VAV3: variants seen among roughly 807,000 people sequenced by gnomAD.
The protein encoded by VAV3 is vav guanine nucleotide exchange factor 3.
VAV3 carries 94 observed loss-of-function variants against 131.2 expected under a neutral mutation model. The ratio of observed to expected loss-of-function variants is 0.72; its 90% CI spans 0.61 to 0.85. VAV3 has a LOEUF of 0.85. Ranked by LOEUF, VAV3 falls within the 40% of genes least tolerant of loss-of-function variation. VAV3 has a pLI of 0.00. For missense variants in VAV3, 939 were observed against 1,002.7 expected (o/e 0.94, Z 0.86); for synonymous variants, 349 against 342.0 (o/e 1.02, Z -0.22).
chr1:107,589,870 T>TA (rs1477442960), intron 25 of VAV3, among the ~76,000 whole-genome samples: 2 of 152,182 alleles, frequency 1.3e-5, no homozygotes, highest in East Asian at 3.8e-4. Flanking sequence ...ATATAACTAA[T>TA]AAATAGTAGT....
At chr1:107,732,751 G>A (rs1384228828) in intron 15 of VAV3, among the ~76,000 whole-genome samples, 2 of 152,140 alleles carry the variant, frequency 1.3e-5, no homozygotes, top group African/African-American at 4.8e-5. Flanking sequence ...CAACAAGCCT[G>A]TCTGCCTCTG....
intron 25 of VAV3, among the ~76,000 whole-genome samples, chr1:107,577,107 T>C (rs953554477): frequency 3.9e-5 from 6 of 152,388 alleles, no homozygotes; most frequent in African/African-American, 1.4e-4. Flanking sequence ...TTACTTTTAA[T>C]ATAAGAGCTA....
intron 2 of VAV3, among the ~76,000 whole-genome samples, chr1:107,808,979 A>AT (rs1570983076): frequency 6.6e-6 from 1 of 152,134 alleles, no homozygotes; most frequent in African/African-American, 2.4e-5. Context: ...CGATGAAGGC[A>AT]TTTTTTATAA....
At chr1:107,726,041 T>A (rs187990551) in intron 15 of VAV3, among the ~76,000 whole-genome samples, 49 of 152,212 alleles carry the variant, frequency 3.2e-4, no homozygotes, top group Admixed American at 6.5e-4. Flanking sequence ...AAAAAAAAAT[T>A]CTCTAATGAA....
intron 1 of VAV3, among the ~76,000 whole-genome samples, chr1:107,941,211 C>A (rs972558429): frequency 1.3e-5 from 2 of 152,120 alleles, no homozygotes; most frequent in Non-Finnish European, 2.9e-5. Flanking sequence ...TTTCCCAGCC[C>A]GCACATTCTA....
At chr1:107,669,724 G>A (rs180752533) in intron 19 of VAV3, among the ~76,000 whole-genome samples, 5 of 151,430 alleles carry the variant, frequency 3.3e-5, no homozygotes, top group East Asian at 1.9e-4. Flanking sequence ...TCATCTATTC[G>A]TGAGGTGCTG....
At chr1:107,901,150 G>A (rs539582615) in intron 1 of VAV3, among the ~76,000 whole-genome samples, 2 of 152,258 alleles carry the variant, frequency 1.3e-5, no homozygotes, top group African/African-American at 4.8e-5. Flanking sequence ...ACCAGCTGGG[G>A]AGCTGCTATG....
intron 20 of VAV3, 77 bp from the exon 21 acceptor site, chr1:107,617,709 C>G: frequency 7.8e-7 from 1 of 1,279,350 alleles, no homozygotes; most frequent in Non-Finnish European, 1.1e-6. Flanking sequence ...CCATACATAG[C>G]ACTGTTACTT....
At chr1:107,964,224 T>C (rs1367831874) in intron 1 of VAV3, among the ~76,000 whole-genome samples, 4 of 152,176 alleles carry the variant, frequency 2.6e-5, no homozygotes, top group Admixed American at 2.0e-4. Flanking sequence ...ATGTATGTCA[T>C]GGTTCCTCTT....
intron 16 of VAV3, 103 bp from the exon 17 acceptor site, chr1:107,704,753 G>C (rs1315413682): frequency 9.4e-7 from 1 of 1,060,318 alleles, no homozygotes; most frequent in African/African-American, 1.6e-5. Context: ...TGCTCTTCAA[G>C]GTACCCCCTT....
At chr1:107,722,144 G>A (rs939066392) in intron 15 of VAV3, among the ~76,000 whole-genome samples, 14 of 152,226 alleles carry the variant, frequency 9.2e-5, no homozygotes, top group Admixed American at 7.2e-4. Context: ...TAAGAGTTTC[G>A]GAGTATGCAG....
chr1:107,750,394 C>G (rs958282168), intron 13 of VAV3, among the ~76,000 whole-genome samples: 1 of 152,190 alleles, frequency 6.6e-6, no homozygotes, highest in Non-Finnish European at 1.5e-5. Flanking sequence ...AATACCAATA[C>G]TTGTGTATTT....
chr1:107,904,978 T>G (rs1255451428), intron 1 of VAV3, among the ~76,000 whole-genome samples: 1 of 152,156 alleles, frequency 6.6e-6, no homozygotes, highest in African/African-American at 2.4e-5. Context: ...ATAGGAAATA[T>G]CTGAGGGATA....
At chr1:107,939,031 G>T (rs554271350) in intron 1 of VAV3, among the ~76,000 whole-genome samples, 1 of 152,160 alleles carries the variant, frequency 6.6e-6, no homozygotes, top group African/African-American at 2.4e-5. Flanking sequence ...TCCCTTTTCT[G>T]ACCATAAATG....
intron 12 of VAV3, among the ~76,000 whole-genome samples, chr1:107,751,750 C>G (rs1663742154): frequency 6.6e-6 from 1 of 152,026 alleles, no homozygotes; most frequent in South Asian, 2.1e-4. Context: ...ACGAAAAGCT[C>G]TGAGTTAATT....
intron 15 of VAV3, among the ~76,000 whole-genome samples, chr1:107,726,876 C>T (rs1661874929): frequency 6.6e-6 from 1 of 152,158 alleles, no homozygotes; most frequent in South Asian, 2.1e-4. Flanking sequence ...CCTTAATCTT[C>T]CCAAAGGGAC....
rs115054703 is a variant in VAV3 at position 107,958,791 on chromosome 1, C to T, written c.204+5875G>A. Reference sequence around the variant, plus strand: ...ATCCCTCCCCTTGCCCTCCAACCCCCGACAGGCCCCGGTGTGTGATGTTCC... The same window carrying T: ...ATCCCTCCCCTTGCCCTCCAACCCCTGACAGGCCCCGGTGTGTGATGTTCC... On this transcript the variant is annotated intron_variant, in intron 1 of 26. Coordinates refer to ENST00000370056, the MANE Select transcript of VAV3 (RefSeq NM_006113.5). Among the ~76,000 whole-genome samples, 1,332 of 152,188 alleles carry T rather than the reference C, an allele frequency of 8.8e-3. 16 individuals are homozygous for T. The highest frequency in any genetic ancestry group is 0.031 in the African/African-American group (1,270 of 41,512).
intron 1 of VAV3, among the ~76,000 whole-genome samples, chr1:107,930,282 A>T (rs1571155682): frequency 6.6e-6 from 1 of 152,308 alleles, no homozygotes; most frequent in East Asian, 1.9e-4. Context: ...AAAATATCTC[A>T]TGTAATCCAT....
chr1:107,590,265 C>T lies in VAV3; in HGVS notation c.2350+5947G>A, dbSNP rs149585367. Among the ~76,000 whole-genome samples, 318 of 152,298 alleles carry T rather than the reference C, an allele frequency of 2.1e-3. 3 individuals are homozygous for T. The highest frequency in any genetic ancestry group is 2.6e-3 in the Non-Finnish European group (179 of 68,014). On this transcript the variant is annotated intron_variant, in intron 25 of 26. Transcript: ENST00000370056. ...ACTCACCCATATTCCCATGCTTTTC[C>T]AGTTTCAACTTAGCACTCTAATATC...
Sources: allele counts gnomAD v4.1 joint callset (sites outside exome capture counted in the v4.1 genomes callset), GRCh38; gene constraint gnomAD v4.1.1; transcripts MANE v1.5; gene names NCBI Gene and HGNC (gene_info 2026-07-23, HGNC 2026-07-21).